Variants in CRYBG3 observed in about 807,000 individuals in gnomAD.
CRYBG3 encodes the protein very large A-kinase anchor protein.
Under a neutral mutation model 244.2 loss-of-function variants are expected in CRYBG3, and 127 were observed. That is an observed-to-expected ratio of 0.52 (90% CI 0.45 to 0.60). CRYBG3 has a LOEUF of 0.60. CRYBG3 is among the 20% of genes least tolerant of loss of function. The pLI is 0.00. For synonymous variants in CRYBG3, 1,132 were observed against 1,195.8 expected (o/e 0.95, Z 1.10); for missense variants, 3,325 against 3,442.5 (o/e 0.97, Z 0.85).
chr3:97,843,171 G>T, intron 1 of CRYBG3, 24 bp from the exon 2 acceptor site: 2 of 1,450,068 alleles, frequency 1.4e-6, no homozygotes, highest in East Asian at 2.5e-5. Context: ...AATTTCAAAA[G>T]AAACTGTGGT....
chr3:97,864,731 G>C, intron 3 of CRYBG3, 84 bp downstream of exon 3: 1 of 918,438 alleles, frequency 1.1e-6, no homozygotes, highest in Non-Finnish European at 1.6e-6. Context: ...CTAGTAATTG[G>C]TGGGATTGGA....
intron 7 of CRYBG3, among the ~76,000 whole-genome samples, chr3:97,885,789 G>A (rs1219642516): frequency 6.6e-6 from 1 of 152,138 alleles, no homozygotes; most frequent in Non-Finnish European, 1.5e-5. Flanking sequence ...AAGACAAACA[G>A]AAACATGAAT....
intron 15 of CRYBG3, among the ~76,000 whole-genome samples, chr3:97,904,575 C>T (rs1417574959): frequency 1.3e-5 from 2 of 152,192 alleles, no homozygotes. Context: ...TATAAATCTT[C>T]AGCTCAGCAG....
At chr3:97,849,941 A>G (rs777688472) in intron 2 of CRYBG3, among the ~76,000 whole-genome samples, 1 of 151,862 alleles carries the variant, frequency 6.6e-6, no homozygotes, top group South Asian at 2.1e-4. Context: ...GCCCTGGTTG[A>G]TTTGATTTCT....
intron 8 of CRYBG3, 24 bp downstream of exon 8, chr3:97,886,791 A>G (rs751200308): frequency 2.8e-5 from 43 of 1,519,684 alleles, no homozygotes; most frequent in South Asian, 6.6e-5. Context: ...CCTTTTTATT[A>G]TAGTGATTGA....
At chr3:97,851,052 G>A (rs1397035860) in intron 2 of CRYBG3, among the ~76,000 whole-genome samples, 5 of 150,422 alleles carry the variant, frequency 3.3e-5, no homozygotes, top group Admixed American at 2.0e-4. Flanking sequence ...AGAATGGCTT[G>A]AATCTGGGAG....
intron 18 of CRYBG3, among the ~76,000 whole-genome samples, chr3:97,935,978 T>C (rs912931884): frequency 1.3e-5 from 2 of 152,116 alleles, no homozygotes; most frequent in African/African-American, 4.8e-5. Context: ...GAATTTCAGG[T>C]GCTCTTAGTG....
chr3:97,840,397 A>G (rs1212714712), intron 1 of CRYBG3, among the ~76,000 whole-genome samples: 3 of 152,172 alleles, frequency 2.0e-5, no homozygotes, highest in African/African-American at 7.2e-5. Flanking sequence ...AATAAGAATC[A>G]TGCAACTTAA....
At chr3:97,844,625 T>C (rs948921191) in intron 2 of CRYBG3, among the ~76,000 whole-genome samples, 3 of 152,200 alleles carry the variant, frequency 2.0e-5, no homozygotes, top group Non-Finnish European at 4.4e-5. Context: ...ACCTGCTGGC[T>C]TATTTTAGCT....
At chr3:97,840,534 G>A (rs1029941225) in intron 1 of CRYBG3, 3 of 152,034 alleles carry the variant, frequency 2.0e-5, no homozygotes, top group Non-Finnish European at 2.9e-5. Context: ...TGGAATTTGT[G>A]TGTGTGTTTG....
intron 7 of CRYBG3, among the ~76,000 whole-genome samples, chr3:97,881,898 C>T (rs765309662): frequency 9.3e-5 from 14 of 150,300 alleles, no homozygotes; most frequent in Non-Finnish European, 2.1e-4. Context: ...TACTGTAATA[C>T]TCCTAGTAAT....
rs1046966300 is a variant in CRYBG3 at position 97,875,715 on chromosome 3, C to T, written c.4521C>T (p.Asn1507=). 3 of 1,232,136 alleles carry T rather than the reference C, an allele frequency of 2.4e-6. No individual in the cohort carries two copies. Among genetic ancestry groups the T allele is most frequent in the Admixed American group, 4.2e-5 (1 of 23,700 alleles). 76.3% of individuals were successfully genotyped at this position (1,232,136 alleles called of 1,614,324 possible). ...SDSLVCISEK[N]LPGHSKNTPL... ...GCCTTGTATGTATATCTGAAAAAAA[C>T]TTGCCAGGACACAGTAAAAACACAC... Residue 1507 remains asparagine, a synonymous_variant, in exon 4 of 22, where the codon AAC becomes AAT. Coordinates refer to ENST00000389622, the MANE Select transcript of CRYBG3 (RefSeq NM_153605.4).
chr3:97,898,851 GT>G, intron 12 of CRYBG3, 31 bp from the exon 13 acceptor site: 1 of 1,502,306 alleles, frequency 6.7e-7, no homozygotes, highest in Non-Finnish European at 9.0e-7. Context: ...GAATATGTAT[GT>G]TTTCCTAAAC....
chr3:97,889,240 G>C, intron 9 of CRYBG3, 115 bp from the exon 10 acceptor site: 1 of 820,492 alleles, frequency 1.2e-6, no homozygotes, highest in Non-Finnish European at 2.0e-6. Context: ...TTTGACTGGT[G>C]TGTAATCTTC....
In CRYBG3 at chr3:97,876,171, G is replaced by C; in HGVS notation, c.4977G>C (p.Glu1659Asp). 1 of 1,231,744 alleles carries C rather than the reference G, an allele frequency of 8.1e-7. No individual in the cohort carries two copies. Among genetic ancestry groups the C allele is most frequent in the Non-Finnish European group, 1.0e-6 (1 of 987,840 alleles). The allele number at this position is 1,231,744 out of a possible 1,614,324, so 76.3% of individuals were successfully genotyped here. A position where few individuals can be genotyped will look rare whatever the true frequency, so the allele number is the denominator to read the frequency against. ...CTGAAGGGGATATTGTAAAGACTGA[G>C]ATGACACCTGTTACAGTAGACATGG... is the stretch of plus-strand genomic sequence containing the variant. ...KDAEGDIVKT[E>D]MTPVTVDMEN... Residue 1659 changes from glutamate to aspartate, a missense_variant, in exon 4 of 22, where the codon GAG (glutamate) becomes GAC (aspartate). By Grantham distance (45) the Glu-to-Asp change is conservative (BLOSUM62 2). Coordinates refer to ENST00000389622, the MANE Select transcript of CRYBG3 (RefSeq NM_153605.4).
intron 2 of CRYBG3, among the ~76,000 whole-genome samples, chr3:97,860,815 C>CT (rs2039135215): frequency 6.6e-6 from 1 of 151,904 alleles, no homozygotes; most frequent in Non-Finnish European, 1.5e-5. Context: ...GACTTGTAAT[C>CT]TTTTTTTTCC....
Position 97,896,460 on chromosome 3 carries a change from T to C in CRYBG3, c.7701+375T>C, listed in dbSNP as rs1268453485. 3.3e-5 allele frequency among the ~76,000 whole-genome samples: 5 copies of C among 152,144 alleles called. No homozygotes were observed. In the South Asian group the frequency reaches 6.2e-4, roughly 19 times the overall value. On this transcript the variant is annotated intron_variant, in intron 12 of 21. Transcript: ENST00000389622. ...AGTACTCAGGGTCCCCAGAAAAAGA[T>C]CAGTTGGTCAGTTATCCCCACTTGA...
chr3:97,828,692 G>C (rs2038610515), intron 1 of CRYBG3, among the ~76,000 whole-genome samples: 1 of 151,858 alleles, frequency 6.6e-6, no homozygotes, highest in Non-Finnish European at 1.5e-5. Flanking sequence ...AGCCGGTGTG[G>C]TGGTGCTTGC....
At chr3:97,894,029 T>A (rs1362286904) in intron 11 of CRYBG3, among the ~76,000 whole-genome samples, 1 of 152,178 alleles carries the variant, frequency 6.6e-6, no homozygotes, top group Non-Finnish European at 1.5e-5. Context: ...ATTTAAAAAA[T>A]TTATTAGGGT....
Sources: allele counts gnomAD v4.1 joint callset (sites outside exome capture counted in the v4.1 genomes callset), GRCh38; gene constraint gnomAD v4.1.1; transcripts MANE v1.5; gene names NCBI Gene and HGNC (gene_info 2026-07-23, HGNC 2026-07-21).